Variants in CELF2 observed in about 807,000 individuals in gnomAD.
The protein encoded by CELF2 is CUG triplet repeat RNA-binding protein 2.
CELF2 carries 8 observed loss-of-function variants against 62.6 expected under a neutral mutation model. The ratio of observed to expected loss-of-function variants is 0.13; its 90% CI spans 0.07 to 0.23. CELF2 has a LOEUF of 0.23. Among genes scored for constraint, CELF2 ranks in the 10% least tolerant of loss-of-function variants. The pLI is 1.00. For synonymous variants in CELF2, 258 were observed against 250.0 expected (o/e 1.03, Z -0.30); for missense variants, 333 against 671.0 (o/e 0.50, Z 5.56).
chr10:10,778,669 T>C, the CELF2 span, among the ~76,000 whole-genome samples: 23 of 152,206 alleles, frequency 1.5e-4, no homozygotes, highest in Non-Finnish European at 2.1e-4. Flanking sequence ...TGCTGGCTAA[T>C]AGCATTGATT....
chr10:10,905,442 T>G (rs1454422910), intron 1 of CELF2, among the ~76,000 whole-genome samples: 2 of 152,210 alleles, frequency 1.3e-5, no homozygotes, highest in African/African-American at 4.8e-5. Context: ...GATAAATTAC[T>G]AGATAATCTA....
rs2065856427 is a variant in CELF2 at position 11,224,517 on chromosome 10, T to C, written c.354+7010T>C. On this transcript the variant is annotated intron_variant, in intron 3 of 12. Coordinates refer to ENST00000633077, the MANE Select transcript of CELF2 (RefSeq NM_001326342.2). The surrounding 1 kb of genome is among the most constrained non-coding windows in gnomAD (Gnocchi z 4.5). Reference sequence around the variant, plus strand: ...GGTTGATAGGATTTCAAAAGAAGATTGTGGGGGAGGCGGGGGATCCATGAA... The same window carrying C: ...GGTTGATAGGATTTCAAAAGAAGATCGTGGGGGAGGCGGGGGATCCATGAA... 6.6e-6 allele frequency among the ~76,000 whole-genome samples: 1 copy of C among 152,028 alleles called. No individual in the cohort carries two copies. Among genetic ancestry groups the C allele is most frequent in the Non-Finnish European group, 1.5e-5 (1 of 68,014 alleles).
the CELF2 span, among the ~76,000 whole-genome samples, chr10:10,616,453 A>T: frequency 6.6e-6 from 1 of 152,020 alleles, no homozygotes; most frequent in Admixed American, 6.6e-5. Context: ...TCAAGGGGTT[A>T]TATGAAGGTT....
chr10:11,025,121 T>C (rs2058930356), intron 1 of CELF2, among the ~76,000 whole-genome samples: 1 of 152,172 alleles, frequency 6.6e-6, no homozygotes, highest in African/African-American at 2.4e-5. Flanking sequence ...AATCAGTTGG[T>C]CTTTTAGGCT....
At chr10:11,162,198 C>T (rs1327544221) in intron 1 of CELF2, among the ~76,000 whole-genome samples, 1 of 151,872 alleles carries the variant, frequency 6.6e-6, no homozygotes, top group Non-Finnish European at 1.5e-5. Context: ...CCTATTGAGG[C>T]AGCGCCAGGA....
upstream of CELF2, among the ~76,000 whole-genome samples, chr10:11,001,578 G>T (rs1326904379): frequency 1.3e-5 from 2 of 152,140 alleles, no homozygotes; most frequent in Admixed American, 1.3e-4. Context: ...TGTTTAGAAA[G>T]CTCAAATCTG....
chr10:10,740,153 C>CTTTTTTTTTTTTTTTTTTTTTTTT, the CELF2 span, among the ~76,000 whole-genome samples: 1 of 94,488 alleles, frequency 1.1e-5, no homozygotes, highest in Admixed American at 1.3e-4. Flanking sequence ...GTTGCCTGTG[C>CTTTTTTTTTTTTTTTTTTTTTTTT]TTTTTTTTTT....
chr10:11,187,579 C>CAG (rs1554920891), intron 2 of CELF2, among the ~76,000 whole-genome samples: 1 of 151,448 alleles, frequency 6.6e-6, no homozygotes, highest in Non-Finnish European at 1.5e-5. Flanking sequence ...GGTCGCCCCC[C>CAG]CCCCAACCTG....
chr10:10,865,081 GA>G (rs1349131831), intron 1 of CELF2, among the ~76,000 whole-genome samples: 1 of 152,142 alleles, frequency 6.6e-6, no homozygotes, highest in Non-Finnish European at 1.5e-5. Context: ...AAGGAAAAAT[GA>G]GGAAAATTTT....
At chr10:10,877,744 AG>A (rs2061199223) in intron 1 of CELF2, among the ~76,000 whole-genome samples, 1 of 152,226 alleles carries the variant, frequency 6.6e-6, no homozygotes, top group Non-Finnish European at 1.5e-5. Flanking sequence ...CGAGTTGGGT[AG>A]GAGGGAACCA....
intron 2 of CELF2, among the ~76,000 whole-genome samples, chr10:10,975,251 G>T (rs1169013053): frequency 1.3e-5 from 2 of 152,108 alleles, no homozygotes; most frequent in Non-Finnish European, 2.9e-5. Flanking sequence ...TGGAGTAGCT[G>T]GGACCACAGA....
Position 11,332,210 on chromosome 10 carries a change from C to CGTTTAGTGCTATGTCCTAGTCTA in CELF2, c.*3159_*3181dup, listed in dbSNP as rs1269570445. The CGTTTAGTGCTATGTCCTAGTCTA allele has an allele frequency of 4.6e-5, 7 of 152,188 alleles. No homozygotes were observed. The highest frequency in any genetic ancestry group is 1.2e-4 in the African/African-American group (5 of 41,432). 9.4% of individuals were successfully genotyped at this position (152,188 alleles called of 1,614,324 possible). On this transcript the variant is annotated 3_prime_UTR_variant, in exon 13 of 13. Transcript: ENST00000633077. ...ACAATCCTGTATGCTTTTGAGATCA[C>CGTTTAGTGCTATGTCCTAGTCTA]GTTTAGTGCTATGTCCTAGTCTAGA...
At chr10:11,231,074 G>T (rs780023095) in intron 3 of CELF2, among the ~76,000 whole-genome samples, 2 of 152,206 alleles carry the variant, frequency 1.3e-5, no homozygotes, top group Non-Finnish European at 2.9e-5. Flanking sequence ...GGGATGCTGG[G>T]TCTATGTATG....
At chr10:11,027,558 A>G (rs759877668) in intron 1 of CELF2, among the ~76,000 whole-genome samples, 3 of 151,960 alleles carry the variant, frequency 2.0e-5, no homozygotes, top group Non-Finnish European at 4.4e-5. Flanking sequence ...ACTTTTTCTT[A>G]CTACAAAGAC....
At chr10:10,939,026 C>A (rs983732128) in intron 2 of CELF2, among the ~76,000 whole-genome samples, 1 of 152,198 alleles carries the variant, frequency 6.6e-6, no homozygotes, top group Non-Finnish European at 1.5e-5. Flanking sequence ...CTGCAGACGA[C>A]CTTCAGGGCA....
chr10:10,837,417 A>G (rs977712411), intron 1 of CELF2, among the ~76,000 whole-genome samples: 6 of 152,164 alleles, frequency 3.9e-5, no homozygotes, highest in African/African-American at 1.4e-4. Context: ...TTTATAAATG[A>G]CCCAGTCTCA....
the CELF2 span, among the ~76,000 whole-genome samples, chr10:10,600,763 C>T: frequency 1.3e-5 from 2 of 152,170 alleles, no homozygotes; most frequent in Non-Finnish European, 2.9e-5. Flanking sequence ...AAGCTCAATA[C>T]ATAAATTAAT....
chr10:10,918,741 CTG>C (rs2064580586), intron 1 of CELF2, among the ~76,000 whole-genome samples: 1 of 152,136 alleles, frequency 6.6e-6, no homozygotes, highest in South Asian at 2.1e-4. Context: ...GTACCACAGT[CTG>C]TGTGTTTGTA....
chr10:10,501,107 C>T, the CELF2 span, among the ~76,000 whole-genome samples: 1 of 152,158 alleles, frequency 6.6e-6, no homozygotes, highest in East Asian at 1.9e-4. Flanking sequence ...TTTGTGTGAA[C>T]ATAGTTGTCA....
Sources: gnomAD v4.1 joint callset for allele counts (sites outside exome capture counted in the v4.1 genomes callset) on GRCh38, gnomAD v4.1.1 for gene constraint, Gnocchi (gnomAD v3.1) non-coding constraint, MANE v1.5 for transcripts, NCBI Gene and HGNC (gene_info 2026-07-23, HGNC 2026-07-21) for gene names.